The following ACSM2A variants were observed in gnomAD, a reference collection of about 807,000 sequenced individuals.
The protein encoded by ACSM2A is acyl-coenzyme A synthetase ACSM2A, mitochondrial.
ACSM2A carries 72 observed loss-of-function variants against 76.6 expected under a neutral mutation model. The observed-to-expected ratio is 0.94, with a 90% CI of 0.78 to 1.14. ACSM2A has a LOEUF of 1.14. Among genes scored for constraint, ACSM2A ranks in the 50% most tolerant of loss-of-function variants. The probability of loss-of-function intolerance (pLI) is 0.00; values close to 1 mark genes in which losing one functional copy is unlikely to be tolerated. For missense variants in ACSM2A, 684 were observed against 708.5 expected (o/e 0.97, Z 0.39); for synonymous variants, 249 against 255.9 (o/e 0.97, Z 0.26).
chr16:20,470,278 C>A (rs1453229804), intron 4 of ACSM2A, among the ~76,000 whole-genome samples: 1 of 152,146 alleles, frequency 6.6e-6, no homozygotes, highest in Non-Finnish European at 1.5e-5. Context: ...CAAGAGATGG[C>A]TGATATACCA....
Position 20,465,318 on chromosome 16 carries a change from A to G in ACSM2A, c.178-199A>G, listed in dbSNP as rs561042588. 1.0e-3 allele frequency among the ~76,000 whole-genome samples: 152 copies of G among 152,340 alleles called. 1 individual carries two copies. Among genetic ancestry groups the G allele is most frequent in the African/African-American group, 3.4e-3 (140 of 41,586 alleles). On this transcript the variant is annotated intron_variant, in intron 2 of 13. Coordinates refer to ENST00000573854, the MANE Select transcript of ACSM2A (RefSeq NM_001308172.2). ...ACATTTACAAAAATTCTGTTTTAAT[A>G]TCTACTATGGTAGATATTGACAGAT...
chr16:20,456,980 C>G (rs111349039), intron 1 of ACSM2A, among the ~76,000 whole-genome samples: 1 of 150,494 alleles, frequency 6.6e-6, no homozygotes. Context: ...ATATTACAAC[C>G]GACACCACAG....
chr16:20,479,429 T>C (rs1203704870), intron 10 of ACSM2A, among the ~76,000 whole-genome samples: 1 of 152,174 alleles, frequency 6.6e-6, no homozygotes, highest in Non-Finnish European at 1.5e-5. Flanking sequence ...AGCCACCCTA[T>C]AAAGTTTTTG....
Position 20,471,226 on chromosome 16 carries a change from G to A in ACSM2A, c.740+10G>A, listed in dbSNP as rs1214384900. 3 of 1,606,470 alleles carry A rather than the reference G, an allele frequency of 1.9e-6. No individual in the cohort carries two copies. The highest frequency in any genetic ancestry group is 8.5e-7 in the Non-Finnish European group (1 of 1,175,796). On this transcript the variant is annotated intron_variant, in intron 5 of 13. Transcript: ENST00000573854. ...CCAAGATGGATGCTGGGTAAGCTGAGCTCTTTCTCTCTACAGAGAATTACA... is the reference window on the plus strand; with the variant it reads ...CCAAGATGGATGCTGGGTAAGCTGAACTCTTTCTCTCTACAGAGAATTACA...
intron 8 of ACSM2A, 73 bp from the exon 9 acceptor site, chr16:20,477,296 C>A (rs1450940539): frequency 4.3e-5 from 67 of 1,565,658 alleles, no homozygotes; most frequent in Non-Finnish European, 5.4e-5. Flanking sequence ...ACCTGCTCTG[C>A]AGAAATTTTT....
rs1386367756 is a variant in ACSM2A, at chr16:20,486,867, G to A, written c.*189G>A. 2 of 668,894 alleles carry A rather than the reference G, an allele frequency of 3.0e-6. No homozygotes were observed. Among genetic ancestry groups the A allele is most frequent in the African/African-American group, 1.8e-5 (1 of 54,534 alleles). The allele number at this position is 668,894 out of a possible 1,614,324, so 41.4% of individuals were successfully genotyped here. A position where few individuals can be genotyped will look rare whatever the true frequency, so the allele number is the denominator to read the frequency against. On this transcript the variant is annotated 3_prime_UTR_variant, in exon 14 of 14. Coordinates refer to ENST00000573854, the MANE Select transcript of ACSM2A (RefSeq NM_001308172.2). ...GAAAGAAGAAAGGGAAGGAATGAGAGAGAGTGAAAAGGAGAGGGTAACAGA... is the reference window on the plus strand; with the variant it reads ...GAAAGAAGAAAGGGAAGGAATGAGAAAGAGTGAAAAGGAGAGGGTAACAGA...
chr16:20,483,188 T>A lies in ACSM2A; in HGVS notation c.1629+11T>A. 1 of 1,613,230 alleles carries A rather than the reference T, an allele frequency of 6.2e-7. No homozygotes were observed. Among genetic ancestry groups the A allele is most frequent in the Non-Finnish European group, 8.5e-7 (1 of 1,179,464 alleles). ...AAGTACCCAAGAAAGGTAAGGCCTT[T>A]GAGCTCCCAAGTCACTCAAACTTGA... On this transcript the variant is annotated intron_variant, in intron 13 of 13. Coordinates refer to ENST00000573854, the MANE Select transcript of ACSM2A (RefSeq NM_001308172.2).
chr16:20,477,789 G>C (rs1038850246), intron 9 of ACSM2A, among the ~76,000 whole-genome samples: 11 of 152,234 alleles, frequency 7.2e-5, no homozygotes, highest in Middle Eastern at 3.4e-3. Flanking sequence ...ATTTAGGTAA[G>C]GATCTTTTCA....
intron 1 of ACSM2A, among the ~76,000 whole-genome samples, chr16:20,458,253 C>T (rs2012317877): frequency 4.7e-5 from 7 of 149,496 alleles, no homozygotes; most frequent in Middle Eastern, 3.2e-3. Context: ...AAATTCAGTG[C>T]AATTCCCATC....
At chr16:20,456,981 G>A (rs1176684075) in intron 1 of ACSM2A, among the ~76,000 whole-genome samples, 6 of 150,170 alleles carry the variant, frequency 4.0e-5, no homozygotes, top group East Asian at 3.9e-4. Flanking sequence ...TATTACAACC[G>A]ACACCACAGA....
chr16:20,453,177 C>G (rs1435373714), intron 1 of ACSM2A: 2 of 152,022 alleles, frequency 1.3e-5, no homozygotes, highest in South Asian at 2.1e-4. Context: ...GGTGCATGCA[C>G]AGCCTCACCA....
intron 6 of ACSM2A, among the ~76,000 whole-genome samples, chr16:20,473,368 G>T (rs751313039): frequency 6.6e-6 from 1 of 152,236 alleles, no homozygotes; most frequent in South Asian, 2.1e-4. Context: ...AAATTATAAA[G>T]CCCATTGGGA....
chr16:20,480,759 G>C, intron 11 of ACSM2A, 59 bp downstream of exon 11: 2 of 1,612,540 alleles, frequency 1.2e-6, no homozygotes, highest in Non-Finnish European at 1.7e-6. Context: ...GCTGGTTCCA[G>C]ACTTCTGGAA....
rs138620658 is a variant in ACSM2A, at chr16:20,480,761, C to G, written c.1409+61C>G. On this transcript the variant is annotated intron_variant, in intron 11 of 13. Transcript: ENST00000573854. ...GGTCTTTACTCTGGCTGGTTCCAGA[C>G]TTCTGGAATGGCCTAGAGGTTCGGT... The G allele has an allele frequency of 9.9e-6, 16 of 1,613,014 alleles. No individual in the cohort carries two copies. The East Asian group carries it at 3.1e-4, about 31-fold the overall frequency.
At position 20,469,551 on chromosome 16, in the gene ACSM2A, C is replaced by G; in HGVS notation, c.428C>G (p.Thr143Ser). 6.2e-7 allele frequency: 1 copy of G among 1,613,702 alleles called. No individual in the cohort carries two copies. Among genetic ancestry groups the G allele is most frequent in the Non-Finnish European group, 8.5e-7 (1 of 1,179,674 alleles). ...CCTGGAACCATCCAGATGAAATCCA[C>G]TGACATACTGTATAGGTTGCAGATG... ...FMPGTIQMKS[T>S]DILYRLQMSK... The change falls in exon 4 of 14, where the codon ACT becomes AGT. Residue 143 changes from threonine (T) to serine (S), a missense_variant. Physicochemically the swap from Thr to Ser is moderately conservative, Grantham distance 58 (BLOSUM62 1). Around this residue, in one of 3 missense-constraint regions of ACSM2A, gnomAD observed 519 missense variants for 549.5 expected, o/e 0.94. Coordinates refer to ENST00000573854, the MANE Select transcript of ACSM2A (RefSeq NM_001308172.2).
intron 2 of ACSM2A, 49 bp from the exon 3 acceptor site, chr16:20,465,468 C>A (rs2141707317): frequency 6.3e-7 from 1 of 1,597,702 alleles, no homozygotes; most frequent in East Asian, 2.2e-5. Flanking sequence ...TTTATCCTAC[C>A]TGCTTGTGTA....
In ACSM2A at chr16:20,480,835, C is replaced by A; in HGVS notation, c.1423C>A (p.Pro475Thr). Residue 475 changes from proline to threonine, a missense_variant, in exon 12 of 14, where the codon CCC becomes ACC. Pro to Thr is a conservative substitution (Grantham distance 38). Transcript: ENST00000573854. ...GTTCTTCTGCAGGTACCGGATTGGA[C>A]CCTCGGAGGTAGAGAATGCACTGAT... ...IINSSGYRIG[P>T]SEVENALMEH... The A allele has an allele frequency of 6.2e-7, 1 of 1,613,876 alleles. No homozygotes were observed. The highest frequency in any genetic ancestry group is 8.5e-7 in the Non-Finnish European group (1 of 1,179,844).
At chr16:20,470,454 C>T (rs2013314741) in intron 4 of ACSM2A, among the ~76,000 whole-genome samples, 1 of 152,118 alleles carries the variant, frequency 6.6e-6, no homozygotes, top group South Asian at 2.1e-4. Flanking sequence ...GTCTGAAATC[C>T]CTCTAGCAGG....
At chr16:20,473,751 A>G (rs547925310) in intron 6 of ACSM2A, among the ~76,000 whole-genome samples, 1 of 152,256 alleles carries the variant, frequency 6.6e-6, no homozygotes, top group Non-Finnish European at 1.5e-5. Context: ...GTTTCAGGCC[A>G]TGATAGGAAG....
Sources: allele counts gnomAD v4.1 joint callset (sites outside exome capture counted in the v4.1 genomes callset), GRCh38; gene constraint gnomAD v4.1.1; regional missense constraint gnomAD v4.1.1; transcripts MANE v1.5; gene names NCBI Gene and HGNC (gene_info 2026-07-23, HGNC 2026-07-21).